The following RNF11 variants were observed in gnomAD, a reference collection of about 807,000 sequenced individuals.
RNF11 encodes the protein ring finger protein 11.
Under a neutral mutation model 15.8 loss-of-function variants are expected in RNF11, and 4 were observed. The ratio of observed to expected loss-of-function variants is 0.25; its 90% CI spans 0.12 to 0.58. RNF11 has a LOEUF of 0.58. Ranked by LOEUF, RNF11 falls within the 20% of genes least tolerant of loss-of-function variation. RNF11 has a pLI of 0.91. For missense variants in RNF11, 139 were observed against 194.4 expected, an observed-to-expected ratio of 0.71 and a Z score of 1.70; for synonymous variants, 68 against 72.3, an observed-to-expected ratio of 0.94 and a Z score of 0.30.
At chr1:51,240,337 C>T (rs1183064959) in intron 1 of RNF11, among the ~76,000 whole-genome samples, 1 of 152,184 alleles carries the variant, frequency 6.6e-6, no homozygotes, top group Non-Finnish European at 1.5e-5. Flanking sequence ...GGCTGACTGA[C>T]TCCCTTACCT....
chr1:51,270,603 T>TA (rs1646974305), intron 2 of RNF11, among the ~76,000 whole-genome samples: 1 of 152,236 alleles, frequency 6.6e-6, no homozygotes. Flanking sequence ...AGCTTTAACT[T>TA]ACAGCAACCC....
chr1:51,263,232 G>A (rs72898426), intron 1 of RNF11, among the ~76,000 whole-genome samples: 3,212 of 152,264 alleles, frequency 0.021, 95 homozygotes, highest in African/African-American at 0.065. Context: ...TCATAACACT[G>A]TTATTCACAG....
chr1:51,244,617 TCCTG>T (rs1646844106), intron 1 of RNF11, among the ~76,000 whole-genome samples: 1 of 152,102 alleles, frequency 6.6e-6, no homozygotes, highest in East Asian at 1.9e-4. Flanking sequence ...CTTGTGATCC[TCCTG>T]CCTCGGCCTC....
chr1:51,245,587 G>T (rs1160710436), intron 1 of RNF11, among the ~76,000 whole-genome samples: 1 of 152,096 alleles, frequency 6.6e-6, no homozygotes, highest in Non-Finnish European at 1.5e-5. Flanking sequence ...GAGTAGCTGG[G>T]ATTAGAGGCA....
At chr1:51,258,196 G>A (rs746060129) in intron 1 of RNF11, among the ~76,000 whole-genome samples, 4 of 152,128 alleles carry the variant, frequency 2.6e-5, no homozygotes, top group Non-Finnish European at 4.4e-5. Flanking sequence ...GGAATGGCAC[G>A]CAATTTACAA....
chr1:51,249,703 T>C (rs551771922), intron 1 of RNF11, among the ~76,000 whole-genome samples: 3 of 152,342 alleles, frequency 2.0e-5, no homozygotes, highest in African/African-American at 7.2e-5. Context: ...ATTTTACTTA[T>C]TCATTCCATT....
At chr1:51,268,676 C>T (rs1187851885) in intron 1 of RNF11, among the ~76,000 whole-genome samples, 1 of 152,150 alleles carries the variant, frequency 6.6e-6, no homozygotes, top group Admixed American at 6.5e-5. Context: ...AATTTGTTCC[C>T]AGTTTGCGTG....
chr1:51,266,837 T>C (rs1392394386), intron 1 of RNF11, among the ~76,000 whole-genome samples: 2 of 152,208 alleles, frequency 1.3e-5, no homozygotes, highest in Admixed American at 6.5e-5. Flanking sequence ...CATAAGTGCT[T>C]TGATTTAGGT....
At chr1:51,238,731 C>CT (rs113178945) in intron 1 of RNF11, among the ~76,000 whole-genome samples, 173 of 146,676 alleles carry the variant, frequency 1.2e-3, no homozygotes, top group African/African-American at 1.8e-3. Flanking sequence ...GCTTATTTAA[C>CT]TTTTTTTTTT....
Position 51,272,221 on chromosome 1 carries a change from C to T in RNF11, c.*899C>T, listed in dbSNP as rs1411771846. The T allele has an allele frequency of 1.3e-5, 2 of 152,460 alleles. No homozygotes were observed. The highest frequency in any genetic ancestry group is 2.4e-5 in the African/African-American group (1 of 41,396). The allele number at this position is 152,460 out of a possible 1,614,324, so 9.4% of individuals were successfully genotyped here. On this transcript the variant is annotated 3_prime_UTR_variant, in exon 3 of 3. Coordinates refer to ENST00000242719, the MANE Select transcript of RNF11 (RefSeq NM_014372.5). ...GTTTATGTAAAAATGAAGGTGGCAC[C>T]GTGGTGAGACCTAATGAGAAATAGT...
chr1:51,237,182 C>T (rs1200747731), intron 1 of RNF11, among the ~76,000 whole-genome samples: 1 of 151,942 alleles, frequency 6.6e-6, no homozygotes, highest in African/African-American at 2.4e-5. Flanking sequence ...TGACATTTTC[C>T]TGTCTTTATG....
chr1:51,262,715 CTTT>C lies in RNF11; in HGVS notation c.124-7219_124-7217del, dbSNP rs35542254. Among the ~76,000 whole-genome samples the C allele has an allele frequency of 7.1e-3, 594 of 84,030 alleles. 1 individual carries two copies. Among genetic ancestry groups the C allele is most frequent in the African/African-American group, 0.017 (342 of 20,470 alleles). The allele number at this position is 84,030 out of a possible 152,430, so 55.1% of individuals were successfully genotyped here. On this transcript the variant is annotated intron_variant, in intron 1 of 2. Coordinates refer to ENST00000242719, the MANE Select transcript of RNF11 (RefSeq NM_014372.5). ...GTGTGCACTACCACCGCCTGCTAAT[CTTT>C]TTTTTTTTTTTTTTTTTTTTTGTAT...
At chr1:51,241,999 A>C (rs1316550808) in intron 1 of RNF11, among the ~76,000 whole-genome samples, 1 of 152,246 alleles carries the variant, frequency 6.6e-6, no homozygotes, top group African/African-American at 2.4e-5. Flanking sequence ...TGAATATATA[A>C]AAATAAGGAT....
rs1187865144 is a variant in RNF11 at position 51,272,314 on chromosome 1, A to C, written c.*992A>C. ...CTCCTTGCCTCTTGTCTTGAACCATAGCAAAAGGATACTGCATCTCTCATT... is the reference window on the plus strand; with the variant it reads ...CTCCTTGCCTCTTGTCTTGAACCATCGCAAAAGGATACTGCATCTCTCATT... On this transcript the variant is annotated 3_prime_UTR_variant, in exon 3 of 3. Coordinates refer to ENST00000242719, the MANE Select transcript of RNF11 (RefSeq NM_014372.5). The C allele has an allele frequency of 6.6e-6, 1 of 152,622 alleles. No homozygotes were observed. Among genetic ancestry groups the C allele is most frequent in the Non-Finnish European group, 1.5e-5 (1 of 68,022 alleles). The allele number at this position is 152,622 out of a possible 1,614,324, so 9.5% of individuals were successfully genotyped here. A position where few individuals can be genotyped will look rare whatever the true frequency, so the allele number is the denominator to read the frequency against.
Position 51,270,097 on chromosome 1 carries a change from A to G in RNF11, c.265A>G (p.Arg89Gly), listed in dbSNP as rs202057953. ...GCCTAAAGGAGTTTATGACCCTGGA[A>G]GAGATGGATCAGAAAAAAAGATCCG... ...HLPKGVYDPG[R>G]DGSEKKIREC... The change falls in exon 2 of 3, where the codon AGA becomes GGA. Residue 89 changes from arginine (R) to glycine (G), a missense_variant. Coordinates refer to ENST00000242719, the MANE Select transcript of RNF11 (RefSeq NM_014372.5). The G allele has an allele frequency of 6.2e-7, 1 of 1,606,124 alleles. No individual in the cohort carries two copies. The highest frequency in any genetic ancestry group is 8.5e-7 in the Non-Finnish European group (1 of 1,177,990).
intron 1 of RNF11, among the ~76,000 whole-genome samples, chr1:51,264,281 AAAAAAAATATATATATATATATAT>A (rs1232639055): frequency 5.0e-4 from 44 of 87,772 alleles, no homozygotes; most frequent in African/African-American, 2.0e-3. Flanking sequence ...AAAAAAAAAA[AAAAAAAATATATATATATATATAT>A]ATATATATAT....
At chr1:51,265,776 C>T (rs750910559) in intron 1 of RNF11, among the ~76,000 whole-genome samples, 5 of 151,802 alleles carry the variant, frequency 3.3e-5, no homozygotes, top group Non-Finnish European at 7.4e-5. Context: ...CTAGTGGTGT[C>T]ATTAGAGAAG....
At chr1:51,266,817 A>G (rs1646956937) in intron 1 of RNF11, among the ~76,000 whole-genome samples, 2 of 152,344 alleles carry the variant, frequency 1.3e-5, no homozygotes, top group South Asian at 2.1e-4. Flanking sequence ...TATAATGTAT[A>G]TTACAAGAAC....
intron 1 of RNF11, among the ~76,000 whole-genome samples, chr1:51,247,227 C>T (rs1167346884): frequency 1.3e-5 from 2 of 151,162 alleles, no homozygotes; most frequent in East Asian, 2.0e-4. Context: ...TTTTTAGAGA[C>T]GGGGTTTCAC....
Sources: gnomAD v4.1 joint callset for allele counts (sites outside exome capture counted in the v4.1 genomes callset) on GRCh38, gnomAD v4.1.1 for gene constraint, MANE v1.5 for transcripts, NCBI Gene and HGNC (gene_info 2026-07-23, HGNC 2026-07-21) for gene names.